PLEKHM3: variants seen among roughly 807,000 people sequenced by gnomAD.
PLEKHM3 encodes the protein pleckstrin homology domain-containing family M member 3.
A neutral mutation model predicts 81.8 loss-of-function variants in PLEKHM3; 45 were observed. The ratio of observed to expected loss-of-function variants is 0.55; its 90% CI spans 0.43 to 0.71. The LOEUF is 0.71. Among genes scored for constraint, PLEKHM3 ranks in the 30% least tolerant of loss-of-function variants. The pLI is 0.00. For synonymous variants in PLEKHM3, 352 were observed against 356.4 expected (o/e 0.99, Z 0.14); for missense variants, 788 against 924.3 (o/e 0.85, Z 1.91).
chr2:207,861,368 C>G, intron 6 of PLEKHM3, 106 bp from the exon 7 acceptor site: 1 of 1,238,620 alleles, frequency 8.1e-7, no homozygotes, highest in Non-Finnish European at 1.1e-6. Context: ...AGGAAAACCT[C>G]TAATTATAAT....
intron 2 of PLEKHM3, among the ~76,000 whole-genome samples, chr2:207,997,670 A>G (rs1405078672): frequency 6.6e-6 from 1 of 152,172 alleles, no homozygotes; most frequent in Non-Finnish European, 1.5e-5. Context: ...GAATGGGAGA[A>G]GGGAGGATTA....
chr2:207,980,971 T>A (rs928269613), intron 2 of PLEKHM3, among the ~76,000 whole-genome samples: 1 of 151,584 alleles, frequency 6.6e-6, no homozygotes, highest in Non-Finnish European at 1.5e-5. Context: ...CTACTAAAAA[T>A]ACAAAAATTA....
intron 6 of PLEKHM3, among the ~76,000 whole-genome samples, chr2:207,899,460 A>G (rs1278979147): frequency 1.3e-5 from 2 of 152,192 alleles, no homozygotes; most frequent in African/African-American, 4.8e-5. Flanking sequence ...TGCCCTTTCA[A>G]TTTCAGGGGT....
At chr2:207,893,487 T>C (rs1170594742) in intron 6 of PLEKHM3, among the ~76,000 whole-genome samples, 2 of 152,176 alleles carry the variant, frequency 1.3e-5, no homozygotes, top group Non-Finnish European at 2.9e-5. Flanking sequence ...CTGATGGCAA[T>C]TTTAGAAGTT....
chr2:207,844,532 T>G (rs2092373006), intron 7 of PLEKHM3, among the ~76,000 whole-genome samples: 1 of 151,650 alleles, frequency 6.6e-6, no homozygotes. Flanking sequence ...GGTCTCGATC[T>G]CCTGACCTCG....
rs530062868 is a variant in PLEKHM3 at position 207,984,815 on chromosome 2, C to T, written c.611-7229G>A. Among the ~76,000 whole-genome samples the T allele has an allele frequency of 3.9e-5, 6 of 152,224 alleles. No individual in the cohort carries two copies. In the East Asian group the frequency reaches 9.6e-4, roughly 24 times the overall value. ...TCATGCCATGTATTTCTTGAAGAAG[C>T]TGGTTCATTTATCCTGTAGAATTTC... is the stretch of plus-strand genomic sequence containing the variant. On this transcript the variant is annotated intron_variant, in intron 2 of 7. Transcript: ENST00000427836.
At chr2:207,837,151 A>G (rs1255964875) in intron 7 of PLEKHM3, among the ~76,000 whole-genome samples, 2 of 152,214 alleles carry the variant, frequency 1.3e-5, no homozygotes, top group Non-Finnish European at 2.9e-5. Flanking sequence ...TTGTGTAAGT[A>G]AACATAAGCA....
At chr2:207,926,055 A>C (rs1220425774) in intron 5 of PLEKHM3, among the ~76,000 whole-genome samples, 3 of 152,122 alleles carry the variant, frequency 2.0e-5, no homozygotes, top group African/African-American at 7.2e-5. Flanking sequence ...GAACCACCAT[A>C]AACGAATTAA....
At chr2:207,974,130 G>A (rs1157333309) in intron 3 of PLEKHM3, among the ~76,000 whole-genome samples, 1 of 152,182 alleles carries the variant, frequency 6.6e-6, no homozygotes, top group African/African-American at 2.4e-5. Flanking sequence ...GCAAAGGGAA[G>A]CATCCTATCA....
At chr2:207,829,632 G>A (rs2092273489) in intron 7 of PLEKHM3, among the ~76,000 whole-genome samples, 1 of 152,094 alleles carries the variant, frequency 6.6e-6, no homozygotes, top group African/African-American at 2.4e-5. Context: ...GCTCCAGTGA[G>A]TGGTTTGCCG....
intron 6 of PLEKHM3, chr2:207,901,294 T>C (rs1380734671): frequency 1.4e-6 from 1 of 702,948 alleles, no homozygotes; most frequent in Non-Finnish European, 2.6e-6. Flanking sequence ...TAGATTTGGC[T>C]GTAGTGCCTG....
At position 207,853,545 on chromosome 2, in the gene PLEKHM3, C is replaced by T. The variant is rs1185574754; in HGVS notation, c.2108+7560G>A. ...GGTTAGGAGTTCCAGACCAGCCTGG[C>T]CAACATGGTGAAACTCTGTCTCTAC... On this transcript the variant is annotated intron_variant, in intron 7 of 7. Transcript: ENST00000427836. Among the ~76,000 whole-genome samples, 4 of 151,748 alleles carry T rather than the reference C, an allele frequency of 2.6e-5. No homozygotes were observed. In the East Asian group the frequency reaches 7.8e-4, roughly 30 times the overall value.
chr2:207,901,811 C>T (rs1452424899), intron 6 of PLEKHM3, among the ~76,000 whole-genome samples: 1 of 152,166 alleles, frequency 6.6e-6, no homozygotes, highest in African/African-American at 2.4e-5. Flanking sequence ...TTGGAAGAGC[C>T]GTGGCTAAAA....
chr2:207,890,098 C>T (rs539727257), intron 6 of PLEKHM3, among the ~76,000 whole-genome samples: 1 of 152,278 alleles, frequency 6.6e-6, no homozygotes, highest in African/African-American at 2.4e-5. Flanking sequence ...AGCCACCGTC[C>T]CCTGCCTATT....
rs1407580439 is a variant in PLEKHM3 at position 207,840,797 on chromosome 2, ATG to A, written c.2109-12303_2109-12302del. Among the ~76,000 whole-genome samples, 95 of 110,276 alleles carry A rather than the reference ATG, an allele frequency of 8.6e-4. 1 individual carries two copies. The highest frequency in any genetic ancestry group is 3.2e-3 in the African/African-American group (90 of 28,000). 72.3% of individuals were successfully genotyped at this position (110,276 alleles called of 152,430 possible). ...GAATTTTAAGCATTTAACACTTTTT[ATG>A]TTTTTTTTTTTTTTTTTTTTTTTGA... On this transcript the variant is annotated intron_variant, in intron 7 of 7. Transcript: ENST00000427836.
intron 6 of PLEKHM3, among the ~76,000 whole-genome samples, chr2:207,890,532 G>A (rs1161890573): frequency 1.3e-5 from 2 of 152,150 alleles, no homozygotes; most frequent in Non-Finnish European, 2.9e-5. Flanking sequence ...GGAGGCTGAG[G>A]CACGAGAATT....
chr2:207,965,853 T>C (rs900807400), intron 3 of PLEKHM3, among the ~76,000 whole-genome samples: 1 of 152,242 alleles, frequency 6.6e-6, no homozygotes, highest in African/African-American at 2.4e-5. Context: ...TTTCTACTAG[T>C]TTAAGTTCTC....
At position 207,858,180 on chromosome 2, in the gene PLEKHM3, A is replaced by ATTTTT. The variant is rs58031514; in HGVS notation, c.2108+2920_2108+2924dup. Among the ~76,000 whole-genome samples, 956 of 103,818 alleles carry ATTTTT rather than the reference A, an allele frequency of 9.2e-3. 19 individuals carry two copies. The highest frequency in any genetic ancestry group is 0.014 in the Admixed American group (144 of 10,456). The allele number at this position is 103,818 out of a possible 152,430, so 68.1% of individuals were successfully genotyped here. ...TGTGTGTGTGTGTGTGTGTGTATAT[A>ATTTTT]TTTTTTTTTTTGAGATGAAGTCTCA... On this transcript the variant is annotated intron_variant, in intron 7 of 7. Transcript: ENST00000427836.
chr2:207,926,126 T>C (rs1286447657), intron 5 of PLEKHM3, among the ~76,000 whole-genome samples: 1 of 152,106 alleles, frequency 6.6e-6, no homozygotes, highest in Non-Finnish European at 1.5e-5. Flanking sequence ...GCACTGGGTT[T>C]GGGGAGACAA....
Sources: gnomAD v4.1 joint callset for allele counts (sites outside exome capture counted in the v4.1 genomes callset) on GRCh38, gnomAD v4.1.1 for gene constraint, MANE v1.5 for transcripts, NCBI Gene and HGNC (gene_info 2026-07-23, HGNC 2026-07-21) for gene names.